C2CD3: variants seen among roughly 807,000 people sequenced by gnomAD.
The protein encoded by C2CD3 is C2 domain containing 3 centriole elongation regulator.
Under a neutral mutation model 234.0 loss-of-function variants are expected in C2CD3, and 148 were observed. That is an observed-to-expected ratio of 0.63 (90% confidence interval 0.55 to 0.72). The LOEUF is 0.72. Ranked by LOEUF, C2CD3 falls within the 30% of genes least tolerant of loss-of-function variation. The pLI is 0.00. For synonymous variants in C2CD3, 1,000 were observed against 1,035.4 expected (o/e 0.97, Z 0.66); for missense variants, 2,577 against 2,811.5 (o/e 0.92, Z 1.89).
At chr11:74,157,157 G>T (rs992007409) in intron 3 of C2CD3, among the ~76,000 whole-genome samples, 7 of 152,014 alleles carry the variant, frequency 4.6e-5, no homozygotes, top group African/African-American at 1.7e-4. Flanking sequence ...ATCTTCTATG[G>T]ATATAAAAGA....
chr11:74,040,102 G>A (rs1952952827), intron 29 of C2CD3, among the ~76,000 whole-genome samples: 1 of 152,244 alleles, frequency 6.6e-6, no homozygotes, highest in Non-Finnish European at 1.5e-5. Flanking sequence ...GGGGGCAAGT[G>A]AGCTTTACTT....
intron 31 of C2CD3, among the ~76,000 whole-genome samples, chr11:74,032,227 T>C (rs1952548035): frequency 6.6e-6 from 1 of 152,200 alleles, no homozygotes; most frequent in Non-Finnish European, 1.5e-5. Flanking sequence ...ATGTCTATAA[T>C]CACAAAAATA....
intron 8 of C2CD3, 34 bp from the exon 9 acceptor site, chr11:74,118,416 C>G: frequency 6.3e-7 from 1 of 1,577,846 alleles, no homozygotes; most frequent in Non-Finnish European, 8.7e-7. Flanking sequence ...CACTAAATGA[C>G]TGCTGCTTTG....
chr11:74,143,469 C>T (rs1396545380), intron 3 of C2CD3, among the ~76,000 whole-genome samples: 1 of 150,972 alleles, frequency 6.6e-6, no homozygotes, highest in Admixed American at 6.6e-5. Flanking sequence ...CCTCCTGTCT[C>T]AGCCTCCAAA....
At chr11:74,025,553 T>A (rs1952261375) in intron 32 of C2CD3, among the ~76,000 whole-genome samples, 1 of 152,156 alleles carries the variant, frequency 6.6e-6, no homozygotes, top group Admixed American at 6.5e-5. Flanking sequence ...GGAACAGCAA[T>A]TCTGCTTGGA....
At chr11:74,094,937 T>A (rs777569523) in intron 17 of C2CD3, among the ~76,000 whole-genome samples, 11 of 152,098 alleles carry the variant, frequency 7.2e-5, no homozygotes, top group Non-Finnish European at 1.2e-4. Context: ...AGAGTGGGCA[T>A]GTAAAGGATA....
Position 74,170,736 on chromosome 11 carries a change from A to G in C2CD3, c.55+2T>C. The G allele has an allele frequency of 6.2e-7, 1 of 1,613,802 alleles. No homozygotes were observed. Among genetic ancestry groups the G allele is most frequent in the Non-Finnish European group, 8.5e-7 (1 of 1,179,952 alleles). Reference sequence around the variant, plus strand: ...TCCTCAATCTTTGATCGCTCAGGTTACCTCTTTTTTTGCGCCCACGGCTGC... The same window carrying G: ...TCCTCAATCTTTGATCGCTCAGGTTGCCTCTTTTTTTGCGCCCACGGCTGC... On this transcript the variant is annotated splice_donor_variant, in intron 1 of 32. Coordinates refer to ENST00000334126, the MANE Select transcript of C2CD3 (RefSeq NM_001286577.2). LOFTEE classifies it high-confidence loss of function.
At chr11:74,132,657 G>C (rs1406324000) in intron 7 of C2CD3, among the ~76,000 whole-genome samples, 187 bp downstream of exon 7, 1 of 152,202 alleles carries the variant, frequency 6.6e-6, no homozygotes, top group Non-Finnish European at 1.5e-5. Context: ...CATTCTGTAA[G>C]TGAAGCCAAA....
At chr11:74,095,179 C>A in intron 17 of C2CD3, 49 bp downstream of exon 17, 2 of 1,273,618 alleles carry the variant, frequency 1.6e-6, no homozygotes, top group South Asian at 2.0e-5. Flanking sequence ...TAAGTATAAT[C>A]TAATAAAAGA....
intron 32 of C2CD3, among the ~76,000 whole-genome samples, chr11:74,018,532 G>C (rs1226133385): frequency 6.6e-6 from 1 of 152,164 alleles, no homozygotes; most frequent in Non-Finnish European, 1.5e-5. Flanking sequence ...CAGCCGCCTG[G>C]GTCTGGCTGG....
At chr11:74,049,608 G>A in intron 26 of C2CD3, 66 bp from the exon 27 acceptor site, 8 of 1,269,522 alleles carry the variant, frequency 6.3e-6, no homozygotes, top group Non-Finnish European at 9.0e-6. Context: ...ATTAGAGGGT[G>A]CACACAGAGA....
At chr11:74,114,815 C>T (rs1956871092) in intron 9 of C2CD3, among the ~76,000 whole-genome samples, 1 of 152,130 alleles carries the variant, frequency 6.6e-6, no homozygotes, top group Admixed American at 6.5e-5. Flanking sequence ...GATCCTCCCA[C>T]CTCAACTTCC....
chr11:74,158,245 A>T (rs1442445860), intron 3 of C2CD3, among the ~76,000 whole-genome samples: 2 of 152,248 alleles, frequency 1.3e-5, no homozygotes, highest in African/African-American at 4.8e-5. Context: ...GCAAAGGGAC[A>T]ACCCACTGAG....
At chr11:74,035,735 G>A (rs1399248755) in intron 30 of C2CD3, among the ~76,000 whole-genome samples, 1 of 150,852 alleles carries the variant, frequency 6.6e-6, no homozygotes, top group African/African-American at 2.4e-5. Context: ...TGGTTTCCCT[G>A]ATCTAATCAT....
At chr11:74,028,469 C>A in intron 31 of C2CD3, 71 bp from the exon 32 acceptor site, 1 of 898,882 alleles carries the variant, frequency 1.1e-6, no homozygotes, top group Non-Finnish European at 1.7e-6. Context: ...AGCATCTCCA[C>A]TGACCATTCA....
At chr11:74,138,650 G>T in intron 5 of C2CD3, 70 bp downstream of exon 5, 1 of 1,245,152 alleles carries the variant, frequency 8.0e-7, no homozygotes, top group Non-Finnish European at 1.2e-6. Context: ...TCTCTTTGTA[G>T]GCTGGCTAAC....
rs966963125 is a variant in C2CD3 at position 74,033,802 on chromosome 11, T to C, written c.6358A>G (p.Arg2120Gly). 45 of 1,536,214 alleles carry C rather than the reference T, an allele frequency of 2.9e-5. No homozygotes were observed. The highest frequency in any genetic ancestry group is 3.8e-5 in the Non-Finnish European group (44 of 1,146,960). ...PSCPSPGPFC[R>G]EELMVKSSFL... is the part of the protein sequence containing the mutation. ...CTACTTTTGACCATAAGCTCCTCTC[T>C]GCAGAAAGGCCCTGGAGAAGGACAA... Residue 2120 changes from arginine (R) to glycine (G), a missense_variant, in exon 31 of 33, where the codon AGA (arginine) becomes GGA (glycine). Coordinates refer to ENST00000334126, the MANE Select transcript of C2CD3 (RefSeq NM_001286577.2).
intron 32 of C2CD3, among the ~76,000 whole-genome samples, chr11:74,017,188 T>G (rs1951911869): frequency 6.6e-6 from 1 of 152,152 alleles, no homozygotes; most frequent in Non-Finnish European, 1.5e-5. Flanking sequence ...TGGGGGGAAT[T>G]TGATCTTATT....
chr11:74,050,198 A>G (rs1184973180), intron 26 of C2CD3, among the ~76,000 whole-genome samples: 2 of 152,240 alleles, frequency 1.3e-5, no homozygotes, highest in Non-Finnish European at 2.9e-5. Context: ...TGGAATTATG[A>G]GAGATTTGCA....
Sources: gnomAD v4.1 joint callset for allele counts (sites outside exome capture counted in the v4.1 genomes callset) on GRCh38, gnomAD v4.1.1 for gene constraint, MANE v1.5 for transcripts, NCBI Gene and HGNC (gene_info 2026-07-23, HGNC 2026-07-21) for gene names.